The following HSD17B12 variants were observed in gnomAD, a reference collection of about 807,000 sequenced individuals.
The protein encoded by HSD17B12 is very-long-chain 3-oxoacyl-CoA reductase.
HSD17B12 carries 32 observed loss-of-function variants against 39.3 expected under a neutral mutation model. The observed-to-expected ratio is 0.81, with a 90% CI of 0.61 to 1.09. The LOEUF (loss-of-function observed/expected upper bound fraction) is 1.09, where lower values mean the gene tolerates loss of function less well. Ranked by LOEUF, HSD17B12 falls within the 50% of genes least tolerant of loss-of-function variation. The pLI is 0.00. For missense variants in HSD17B12, 342 were observed against 382.9 expected, an observed-to-expected ratio of 0.89 and a Z score of 0.89; for synonymous variants, 150 against 146.7, an observed-to-expected ratio of 1.02 and a Z score of -0.16.
At chr11:43,578,630 C>T in the HSD17B12 span, among the ~76,000 whole-genome samples, 6 of 152,188 alleles carry the variant, frequency 3.9e-5, no homozygotes, top group Non-Finnish European at 7.3e-5. Flanking sequence ...CAAGCCTCGC[C>T]CCTCTCAGCC....
chr11:43,805,210 C>A (rs1025631682), intron 4 of HSD17B12, among the ~76,000 whole-genome samples: 7 of 152,140 alleles, frequency 4.6e-5, no homozygotes, highest in African/African-American at 1.7e-4. Context: ...TTGCTGTTCT[C>A]AATGTTATAA....
the HSD17B12 span, among the ~76,000 whole-genome samples, chr11:43,623,395 TG>T: frequency 2.0e-5 from 3 of 151,346 alleles, no homozygotes; most frequent in East Asian, 5.8e-4. Flanking sequence ...TTGTTTTTTT[TG>T]TTTTTTTTTT....
chr11:43,767,672 A>G (rs10838162), intron 3 of HSD17B12, among the ~76,000 whole-genome samples: 99,663 of 152,012 alleles, frequency 0.66, 33,006 homozygotes, highest in East Asian at 0.75. Flanking sequence ...TCAAAGAGAA[A>G]AGGAATTCAT....
At chr11:43,706,407 A>G (rs1241606954) in intron 1 of HSD17B12, among the ~76,000 whole-genome samples, 3 of 152,078 alleles carry the variant, frequency 2.0e-5, no homozygotes, top group African/African-American at 7.2e-5. Flanking sequence ...AGCCGTCATG[A>G]GGATGCATGC....
At chr11:43,581,863 A>G in the HSD17B12 span, among the ~76,000 whole-genome samples, 4 of 152,272 alleles carry the variant, frequency 2.6e-5, no homozygotes, top group Admixed American at 2.6e-4. This position sits in a 1 kb window ranked among gnomAD's most constrained non-coding sequence, Gnocchi z 4.9. Context: ...AGGCCAAGTC[A>G]GAACCTGGAA....
At chr11:43,569,022 T>C in the HSD17B12 span, among the ~76,000 whole-genome samples, 1 of 152,226 alleles carries the variant, frequency 6.6e-6, no homozygotes, top group Non-Finnish European at 1.5e-5. Context: ...TCAGTTCTCC[T>C]GTAGCTCATG....
chr11:43,766,890 AT>A (rs1950600349), intron 3 of HSD17B12, among the ~76,000 whole-genome samples: 1 of 152,182 alleles, frequency 6.6e-6, no homozygotes, highest in African/African-American at 2.4e-5. Flanking sequence ...TTTCAACTTC[AT>A]TACTGTTTGT....
chr11:43,607,600 C>T, the HSD17B12 span, among the ~76,000 whole-genome samples: 60,866 of 151,864 alleles, frequency 0.4, 13,624 homozygotes, highest in East Asian at 0.76. Context: ...GAGGTAGGAA[C>T]TAATAATATA....
At chr11:43,574,779 T>C in the HSD17B12 span, among the ~76,000 whole-genome samples, 1 of 152,228 alleles carries the variant, frequency 6.6e-6, no homozygotes, top group African/African-American at 2.4e-5. Flanking sequence ...GATATCCTGG[T>C]CTTTGAGAGG....
intron 1 of HSD17B12, among the ~76,000 whole-genome samples, chr11:43,683,084 G>A (rs1409527199): frequency 1.3e-5 from 2 of 150,546 alleles, no homozygotes; most frequent in East Asian, 1.9e-4. Context: ...GAGCCACCAT[G>A]CCTGGATGTG....
chr11:43,766,227 A>G (rs2134975532), intron 3 of HSD17B12, among the ~76,000 whole-genome samples: 1 of 152,308 alleles, frequency 6.6e-6, no homozygotes, highest in Middle Eastern at 3.4e-3. Flanking sequence ...GAGTTCCTCA[A>G]TTAGTAGACT....
the HSD17B12 span, among the ~76,000 whole-genome samples, chr11:43,619,245 A>ATAT: frequency 7.1e-5 from 5 of 70,742 alleles, no homozygotes; most frequent in South Asian, 4.2e-4. Flanking sequence ...ATATATATAA[A>ATAT]ATATATATAT....
At chr11:43,622,868 A>G in the HSD17B12 span, among the ~76,000 whole-genome samples, 1 of 151,976 alleles carries the variant, frequency 6.6e-6, no homozygotes, top group Non-Finnish European at 1.5e-5. Context: ...CCAAACCTAA[A>G]GGGCTTATTA....
the HSD17B12 span, among the ~76,000 whole-genome samples, chr11:43,619,644 A>G: frequency 6.6e-6 from 1 of 152,010 alleles, no homozygotes; most frequent in South Asian, 2.1e-4. Context: ...TGCCCACCTC[A>G]GCCTCCCAGA....
At chr11:43,656,098 A>C in the HSD17B12 span, among the ~76,000 whole-genome samples, 37 of 152,222 alleles carry the variant, frequency 2.4e-4, no homozygotes, top group Non-Finnish European at 4.4e-4. Flanking sequence ...TTATTCGTCT[A>C]TTCAGAGATT....
chr11:43,633,806 G>A, the HSD17B12 span, among the ~76,000 whole-genome samples: 1 of 151,880 alleles, frequency 6.6e-6, no homozygotes. Context: ...TGGGCACGGT[G>A]GCTCACACTT....
At chr11:43,821,863 C>T (rs941743600) in intron 6 of HSD17B12, among the ~76,000 whole-genome samples, 2 of 152,110 alleles carry the variant, frequency 1.3e-5, no homozygotes, top group African/African-American at 4.8e-5. Flanking sequence ...TTTTCTGGGC[C>T]AGATTATTCT....
chr11:43,782,024 A>T (rs1040106750), intron 3 of HSD17B12, among the ~76,000 whole-genome samples: 1 of 152,252 alleles, frequency 6.6e-6, no homozygotes, highest in Non-Finnish European at 1.5e-5. Context: ...CATATGATCT[A>T]CTTTTCAATA....
At chr11:43,735,795 C>G (rs1950311029) in intron 1 of HSD17B12, among the ~76,000 whole-genome samples, 1 of 152,102 alleles carries the variant, frequency 6.6e-6, no homozygotes, top group South Asian at 2.1e-4. Context: ...TTCTGCATGG[C>G]TGGGGAGGCC....
Sources: gnomAD v4.1 joint callset for allele counts (sites outside exome capture counted in the v4.1 genomes callset) on GRCh38, gnomAD v4.1.1 for gene constraint, Gnocchi (gnomAD v3.1) non-coding constraint, MANE v1.5 for transcripts, NCBI Gene and HGNC (gene_info 2026-07-23, HGNC 2026-07-21) for gene names.